Variants in TEX11 observed in about 807,000 individuals in gnomAD.
TEX11 encodes testis-expressed protein 11.
Under a neutral mutation model 84.4 loss-of-function variants are expected in TEX11, and 7 were observed. The ratio of observed to expected loss-of-function variants is 0.08; its 90% confidence interval spans 0.05 to 0.16. The LOEUF is 0.16. Among genes scored for constraint, TEX11 ranks in the 10% least tolerant of loss-of-function variants. The pLI is 1.00. For synonymous variants in TEX11, 264 were observed against 222.8 expected (o/e 1.18, Z -1.64); for missense variants, 551 against 660.5 (o/e 0.83, Z 1.82).
intron 17 of TEX11, among the ~76,000 whole-genome samples, chrX:70,647,490 T>C (rs759279306): frequency 1.8e-5 from 2 of 110,147 alleles, no homozygotes; most frequent in East Asian, 2.8e-4. Flanking sequence ...AGCAGGAGGA[T>C]TGCTTGAGCC....
rs1336566744 is a variant in TEX11 at position 70,896,974 on chromosome X, CA to C, written c.37+10778del. ...TGAAACCCCATCTCTACTAAAAATA[CA>C]AAAAAAAATAGCCAGATGTGGTGGC... On this transcript the variant is annotated intron_variant, in intron 2 of 29. Coordinates refer to ENST00000374333, the MANE Select transcript of TEX11 (RefSeq NM_031276.3). Among the ~76,000 whole-genome samples, 5 of 102,761 alleles carry C rather than the reference CA, an allele frequency of 4.9e-5. No homozygotes were observed. In the South Asian group the frequency reaches 1.4e-3, roughly 28 times the overall value. The allele number at this position is 102,761 out of a possible 115,157, so 89.2% of individuals were successfully genotyped here.
intron 17 of TEX11, among the ~76,000 whole-genome samples, chrX:70,646,649 G>A (rs1179665453): frequency 8.9e-6 from 1 of 111,879 alleles, no homozygotes; most frequent in Non-Finnish European, 1.9e-5. Flanking sequence ...CTACTCATCA[G>A]AGAAACGCAA....
intron 20 of TEX11, among the ~76,000 whole-genome samples, chrX:70,614,525 T>G (rs2089296691): frequency 8.9e-6 from 1 of 112,043 alleles, no homozygotes; most frequent in Non-Finnish European, 1.9e-5. Context: ...CTAAGGTTTT[T>G]GACTGCCGTC....
intron 13 of TEX11, among the ~76,000 whole-genome samples, chrX:70,706,362 C>G (rs887028735): frequency 4.6e-5 from 5 of 109,743 alleles, no homozygotes; most frequent in African/African-American, 1.7e-4. Context: ...ATGTAAATGA[C>G]GAGTTAATGG....
intron 28 of TEX11, among the ~76,000 whole-genome samples, chrX:70,541,154 C>G (rs769896330): frequency 9.0e-6 from 1 of 111,542 alleles, no homozygotes; most frequent in East Asian, 2.8e-4. Context: ...TCACTGCACT[C>G]TAGCCTGGGT....
chrX:70,775,730 G>A (rs1190929485), intron 9 of TEX11, among the ~76,000 whole-genome samples: 4 of 100,017 alleles, frequency 4.0e-5, no homozygotes, highest in African/African-American at 1.5e-4. Context: ...AACCCAGGAG[G>A]TGAAGGTTGC....
intron 14 of TEX11, among the ~76,000 whole-genome samples, chrX:70,679,768 C>A (rs918031817): frequency 1.9e-5 from 2 of 104,681 alleles, no homozygotes; most frequent in East Asian, 6.3e-4. Context: ...GCCGCCCGTC[C>A]GGGAGGGAGG....
intron 9 of TEX11, among the ~76,000 whole-genome samples, chrX:70,802,266 A>C (rs1279120805): frequency 8.9e-6 from 1 of 111,890 alleles, no homozygotes. Flanking sequence ...CACCTTAATC[A>C]ATCACAGTAT....
intron 8 of TEX11, among the ~76,000 whole-genome samples, chrX:70,826,500 T>C (rs2091347401): frequency 9.0e-6 from 1 of 111,494 alleles, no homozygotes; most frequent in Admixed American, 9.5e-5. Flanking sequence ...GAAAGAGGCA[T>C]TGAAGAGGGC....
chrX:70,665,442 T>C (rs1439619688), intron 16 of TEX11, among the ~76,000 whole-genome samples: 2 of 111,790 alleles, frequency 1.8e-5, no homozygotes, highest in Non-Finnish European at 3.8e-5. Flanking sequence ...AAAAATAATA[T>C]AGCAAAATCA....
At chrX:70,514,662 T>G in the TEX11 span, among the ~76,000 whole-genome samples, 3 of 107,332 alleles carry the variant, frequency 2.8e-5, no homozygotes, top group African/African-American at 1.0e-4. Context: ...CCCTGCAAAA[T>G]GGAGGAAATG....
chrX:70,696,273 T>C (rs936900070), intron 13 of TEX11, among the ~76,000 whole-genome samples: 1 of 111,465 alleles, frequency 9.0e-6, no homozygotes, highest in African/African-American at 3.3e-5. Flanking sequence ...CCATACTACT[T>C]ATGGTTGCTG....
At chrX:70,557,191 A>G (rs889100195) in intron 25 of TEX11, among the ~76,000 whole-genome samples, 2 of 109,984 alleles carry the variant, frequency 1.8e-5, no homozygotes, top group African/African-American at 6.6e-5. Flanking sequence ...AACAAGGACC[A>G]GGCACAGTGG....
At chrX:70,755,629 A>C (rs887769599) in intron 9 of TEX11, among the ~76,000 whole-genome samples, 1 of 112,355 alleles carries the variant, frequency 8.9e-6, no homozygotes, top group Non-Finnish European at 1.9e-5. Flanking sequence ...GGAGGCTTCC[A>C]AGATGGCTGA....
chrX:70,721,867 A>T (rs894019345), intron 13 of TEX11, among the ~76,000 whole-genome samples: 1 of 112,039 alleles, frequency 8.9e-6, no homozygotes, highest in Admixed American at 9.6e-5. Context: ...GACAGGTGGC[A>T]ATACCAAATT....
chrX:70,648,026 A>G (rs1345983548), intron 17 of TEX11, among the ~76,000 whole-genome samples: 2 of 112,290 alleles, frequency 1.8e-5, no homozygotes, highest in African/African-American at 3.2e-5. Flanking sequence ...ATGTCCATCA[A>G]TGATAGACTG....
At chrX:70,795,289 G>A (rs1244180888) in intron 9 of TEX11, among the ~76,000 whole-genome samples, 2 of 109,885 alleles carry the variant, frequency 1.8e-5, no homozygotes, top group Non-Finnish European at 1.9e-5. Flanking sequence ...TTTTTCTTGT[G>A]GCTTGGGTGC....
chrX:70,553,085 T>C (rs1188724392), intron 27 of TEX11, among the ~76,000 whole-genome samples: 1 of 112,088 alleles, frequency 8.9e-6, no homozygotes, highest in Non-Finnish European at 1.9e-5. Context: ...AGAAGCAACT[T>C]TTCCCCTTTT....
At chrX:70,737,849 G>C (rs1474544582) in intron 11 of TEX11, among the ~76,000 whole-genome samples, 1 of 111,465 alleles carries the variant, frequency 9.0e-6, no homozygotes, top group East Asian at 2.8e-4. Flanking sequence ...GTGCACTATA[G>C]ATGGGAATTT....
Sources: allele counts gnomAD v4.1 joint callset (sites outside exome capture counted in the v4.1 genomes callset), GRCh38; gene constraint gnomAD v4.1.1; transcripts MANE v1.5; gene names NCBI Gene and HGNC (gene_info 2026-07-23, HGNC 2026-07-21).